The following SYCP1 variants were observed in gnomAD, a reference collection of about 807,000 sequenced individuals.
SYCP1 encodes synaptonemal complex protein 1.
In SYCP1, 64 loss-of-function variants were observed where a neutral mutation model predicts 153.1. The ratio of observed to expected loss-of-function variants is 0.42; its 90% CI spans 0.34 to 0.51. The LOEUF is 0.51. SYCP1 is among the 20% of genes least tolerant of loss of function. The pLI, the probability that SYCP1 is intolerant of heterozygous loss-of-function variation, is 0.06. For synonymous variants in SYCP1, 384 were observed against 341.8 expected (o/e 1.12, Z -1.36); for missense variants, 997 against 1,049.0 (o/e 0.95, Z 0.68).
At chr1:114,926,945 T>C (rs972492463) in intron 23 of SYCP1, among the ~76,000 whole-genome samples, 3 of 152,140 alleles carry the variant, frequency 2.0e-5, no homozygotes, top group Non-Finnish European at 4.4e-5. Context: ...CAGAAAGGGA[T>C]TGAAAACCAT....
intron 20 of SYCP1, among the ~76,000 whole-genome samples, chr1:114,922,633 C>T (rs1351870591): frequency 2.6e-5 from 4 of 152,094 alleles, no homozygotes; most frequent in Admixed American, 2.0e-4. Flanking sequence ...GCCCCACCTC[C>T]AATATTGGTG....
At chr1:114,910,555 T>G in intron 17 of SYCP1, 54 bp downstream of exon 17, 1 of 1,100,142 alleles carries the variant, frequency 9.1e-7, no homozygotes, top group Non-Finnish European at 1.3e-6. Flanking sequence ...GAACATAGAT[T>G]TATGGATTAT....
chr1:114,874,522 A>G lies in SYCP1; in HGVS notation c.615A>G (p.Glu205=). 2 of 1,575,172 alleles carry G rather than the reference A, an allele frequency of 1.3e-6. No homozygotes were observed. Among genetic ancestry groups the G allele is most frequent in the Non-Finnish European group, 1.7e-6 (2 of 1,156,336 alleles). ...EKTKKYEYER[E]ETRQVYMDLN... is the part of the protein sequence containing the mutation. ...TAACAATAGATGAATATGAACGGGA[A>G]GAAACCAGGCAAGTTTATATGGATC... is the stretch of plus-strand genomic sequence containing the variant. The change falls in exon 9 of 32, where the codon GAA becomes GAG. Residue 205 remains glutamate, a synonymous_variant. Transcript: ENST00000369522.
At chr1:114,857,402 C>G in intron 4 of SYCP1, 42 bp from the exon 5 acceptor site, 1 of 1,550,940 alleles carries the variant, frequency 6.4e-7, no homozygotes, top group Middle Eastern at 1.8e-4. Flanking sequence ...TTTAGAAGCT[C>G]TTATCAGAAG....
chr1:114,959,350 C>G (rs984826837), intron 27 of SYCP1, among the ~76,000 whole-genome samples: 1 of 152,002 alleles, frequency 6.6e-6, no homozygotes, highest in African/African-American at 2.4e-5. Flanking sequence ...TTTTATTTTG[C>G]TGGATTTGGT....
chr1:114,932,902 T>C (rs2101767447), intron 23 of SYCP1, among the ~76,000 whole-genome samples: 1 of 152,132 alleles, frequency 6.6e-6, no homozygotes, highest in Non-Finnish European at 1.5e-5. Flanking sequence ...AAAGAAAAGC[T>C]CGAACTGGGT....
At chr1:114,887,800 A>G (rs1666416294) in intron 15 of SYCP1, 107 bp downstream of exon 15, 4 of 641,194 alleles carry the variant, frequency 6.2e-6, no homozygotes, top group Non-Finnish European at 9.6e-6. Flanking sequence ...ATTTGCCAGT[A>G]GAGATTGCTT....
chr1:114,947,812 A>C (rs867891234), intron 27 of SYCP1, among the ~76,000 whole-genome samples: 977 of 17,510 alleles, frequency 0.056, 7 homozygotes, highest in African/African-American at 0.064. Flanking sequence ...ACTCCGTCTC[A>C]AAAAAAAAAA....
At chr1:114,972,171 T>C (rs537351490) in intron 27 of SYCP1, among the ~76,000 whole-genome samples, 1 of 152,246 alleles carries the variant, frequency 6.6e-6, no homozygotes, top group African/African-American at 2.4e-5. Context: ...TAGGAATTTA[T>C]TTATTTTTAG....
chr1:114,951,238 C>A (rs376285906), intron 27 of SYCP1, among the ~76,000 whole-genome samples: 2 of 152,088 alleles, frequency 1.3e-5, no homozygotes, highest in African/African-American at 4.8e-5. Flanking sequence ...CTATTTTGGG[C>A]GTGTATCACT....
At chr1:114,881,277 A>G (rs909289549) in intron 12 of SYCP1, among the ~76,000 whole-genome samples, 1 of 151,508 alleles carries the variant, frequency 6.6e-6, no homozygotes, top group Non-Finnish European at 1.5e-5. Flanking sequence ...TTTTTTTGGT[A>G]TCTTAAACTT....
At chr1:114,983,947 C>A (rs376050158) in intron 29 of SYCP1, among the ~76,000 whole-genome samples, 1 of 151,930 alleles carries the variant, frequency 6.6e-6, no homozygotes, top group East Asian at 1.9e-4. Context: ...GTTGCCTGGG[C>A]TGGGCTGCAG....
intron 27 of SYCP1, among the ~76,000 whole-genome samples, chr1:114,965,569 G>A (rs530054651): frequency 2.6e-5 from 4 of 152,038 alleles, no homozygotes; most frequent in East Asian, 3.8e-4. Flanking sequence ...TAGCATGAAG[G>A]GGTGTTGAAT....
At chr1:114,884,790 A>T (rs559417731) in intron 12 of SYCP1, among the ~76,000 whole-genome samples, 1 of 152,214 alleles carries the variant, frequency 6.6e-6, no homozygotes. Context: ...AGACTGGTTA[A>T]GTATCATGCC....
At chr1:114,908,034 C>G (rs192818465) in intron 16 of SYCP1, among the ~76,000 whole-genome samples, 9 of 152,052 alleles carry the variant, frequency 5.9e-5, no homozygotes, top group Admixed American at 1.3e-4. Context: ...TTATTTTTTC[C>G]TGAAGATCCA....
intron 20 of SYCP1, among the ~76,000 whole-genome samples, chr1:114,921,078 T>G (rs867893638): frequency 1.8e-4 from 27 of 152,222 alleles, no homozygotes; most frequent in Admixed American, 5.2e-4. Flanking sequence ...GTTTTCCTTT[T>G]AGTGAAGGCA....
intron 12 of SYCP1, among the ~76,000 whole-genome samples, chr1:114,883,849 T>G (rs999198229): frequency 2.6e-5 from 4 of 152,074 alleles, no homozygotes; most frequent in Non-Finnish European, 5.9e-5. Context: ...TGCACCACCA[T>G]GCCCACCTAA....
At chr1:114,902,996 A>G (rs908731357) in intron 16 of SYCP1, among the ~76,000 whole-genome samples, 2 of 152,102 alleles carry the variant, frequency 1.3e-5, no homozygotes, top group African/African-American at 4.8e-5. Context: ...CCTAGACAGT[A>G]TGGCAAAACC....
chr1:114,894,972 G>A (rs1666961492), intron 15 of SYCP1, among the ~76,000 whole-genome samples: 1 of 152,092 alleles, frequency 6.6e-6, no homozygotes, highest in African/African-American at 2.4e-5. Flanking sequence ...GGAAATTAAA[G>A]ATTCCTCTAC....
Sources: gnomAD v4.1 joint callset for allele counts (sites outside exome capture counted in the v4.1 genomes callset) on GRCh38, gnomAD v4.1.1 for gene constraint, MANE v1.5 for transcripts, NCBI Gene and HGNC (gene_info 2026-07-23, HGNC 2026-07-21) for gene names.